Variants in MYT1L observed in about 807,000 individuals in gnomAD.
MYT1L encodes the protein myelin transcription factor 1-like protein.
Under a neutral mutation model 126.7 loss-of-function variants are expected in MYT1L, and 12 were observed. That is an observed-to-expected ratio of 0.09 (90% CI 0.06 to 0.15). The LOEUF is 0.15. MYT1L is among the 10% of genes least tolerant of loss of function. The pLI is 1.00. For synonymous variants in MYT1L, 541 were observed against 604.2 expected (o/e 0.90, Z 1.53); for missense variants, 979 against 1,585.2 (o/e 0.62, Z 6.49).
rs1440924012 is a variant in MYT1L at position 1,806,340 on chromosome 2, G to A, written c.3172+2736C>T. ...GCGTGCATTAGGATCTGCAGCAAGG[G>A]GAACTGTTTGTCCTAAAACTTAGCA... On this transcript the variant is annotated intron_variant, in intron 22 of 24. Transcript: ENST00000647738. The surrounding 1 kb of genome is among the most constrained non-coding windows in gnomAD (Gnocchi z 4.9). 6.6e-6 allele frequency among the ~76,000 whole-genome samples: 1 copy of A among 152,148 alleles called. No homozygotes were observed. Among genetic ancestry groups the A allele is most frequent in the Non-Finnish European group, 1.5e-5 (1 of 68,022 alleles).
intron 2 of MYT1L, among the ~76,000 whole-genome samples, chr2:2,266,076 G>A (rs1157396688): frequency 6.6e-6 from 1 of 152,200 alleles, no homozygotes; most frequent in African/African-American, 2.4e-5. Context: ...TGCTGATGCT[G>A]CAAGAGACAT....
chr2:1,954,298 G>A lies in MYT1L; in HGVS notation c.153-10964C>T, dbSNP rs546664775. ...CCACTGCTGCTGGCACTCACTGCCC[G>A]TTAGATGCTCCAGCCATGGCCACTG... On this transcript the variant is annotated intron_variant, in intron 8 of 24. Coordinates refer to ENST00000647738, the MANE Select transcript of MYT1L (RefSeq NM_001303052.2). 1.2e-4 allele frequency among the ~76,000 whole-genome samples: 19 copies of A among 152,286 alleles called. No homozygotes were observed. In the South Asian group the frequency reaches 2.7e-3, roughly 22 times the overall value.
chr2:2,005,899 C>A (rs993384208), intron 4 of MYT1L, among the ~76,000 whole-genome samples: 2 of 147,188 alleles, frequency 1.4e-5, no homozygotes, highest in African/African-American at 5.1e-5. Flanking sequence ...CTCATGCGTT[C>A]TTTCCTGCGT....
At chr2:2,157,946 G>A (rs2148387484) in intron 3 of MYT1L, among the ~76,000 whole-genome samples, 1 of 152,216 alleles carries the variant, frequency 6.6e-6, no homozygotes, top group Admixed American at 6.5e-5. Context: ...TCGCACCAGA[G>A]AGACCTCATA....
At position 1,938,603 on chromosome 2, in the gene MYT1L, C is replaced by T. The variant is rs186749513; in HGVS notation, c.505+4379G>A. ...TAAGCAGAAGGTGATCAGGAGAACA[C>T]GAGTTCCATTACAAGGAAAACCATG... On this transcript the variant is annotated intron_variant, in intron 9 of 24. Coordinates refer to ENST00000647738, the MANE Select transcript of MYT1L (RefSeq NM_001303052.2). Among the ~76,000 whole-genome samples, 3 of 152,264 alleles carry T rather than the reference C, an allele frequency of 2.0e-5. No individual in the cohort carries two copies. In the East Asian group the frequency reaches 5.8e-4, roughly 29 times the overall value.
intron 3 of MYT1L, among the ~76,000 whole-genome samples, chr2:2,123,745 G>A (rs2081336006): frequency 6.6e-6 from 1 of 152,158 alleles, no homozygotes; most frequent in Non-Finnish European, 1.5e-5. Flanking sequence ...CATTATCTCA[G>A]TGCAAGAACA....
chr2:2,007,092 C>T (rs1463380766), intron 4 of MYT1L, among the ~76,000 whole-genome samples: 1 of 150,778 alleles, frequency 6.6e-6, no homozygotes, highest in South Asian at 2.1e-4. Context: ...TCCATTTGTC[C>T]ATTAGGTTGC....
At chr2:2,114,537 C>G (rs2079939346) in intron 3 of MYT1L, among the ~76,000 whole-genome samples, 2 of 152,158 alleles carry the variant, frequency 1.3e-5, no homozygotes, top group African/African-American at 4.8e-5. Flanking sequence ...ATTTGCCACA[C>G]TTTGTAATTA....
At chr2:2,244,620 G>A (rs942096207) in intron 2 of MYT1L, among the ~76,000 whole-genome samples, 13 of 152,314 alleles carry the variant, frequency 8.5e-5, no homozygotes, top group African/African-American at 2.4e-4. Context: ...CTGAACTATC[G>A]GAAATGAGAG....
intron 3 of MYT1L, among the ~76,000 whole-genome samples, chr2:2,058,554 T>C (rs558871360): frequency 6.6e-6 from 1 of 152,362 alleles, no homozygotes; most frequent in African/African-American, 2.4e-5. Flanking sequence ...ATCTAACTTA[T>C]TTGTAAATCA....
intron 3 of MYT1L, among the ~76,000 whole-genome samples, chr2:2,055,080 A>G (rs1455088211): frequency 6.6e-6 from 1 of 152,250 alleles, no homozygotes; most frequent in African/African-American, 2.4e-5. Flanking sequence ...ACCTTTTAAG[A>G]AAATTAATGA....
chr2:2,069,314 C>T (rs986342703), intron 3 of MYT1L, among the ~76,000 whole-genome samples: 3 of 152,102 alleles, frequency 2.0e-5, no homozygotes, highest in Non-Finnish European at 4.4e-5. Flanking sequence ...TGAGTGAGAA[C>T]ATGCGGTGTT....
At chr2:1,960,296 G>A (rs932540659) in intron 8 of MYT1L, among the ~76,000 whole-genome samples, 4 of 152,210 alleles carry the variant, frequency 2.6e-5, no homozygotes, top group Non-Finnish European at 2.9e-5. Context: ...ACTAGACCTG[G>A]AAGAATCCTG....
chr2:2,159,201 T>C (rs1168791238), intron 3 of MYT1L, among the ~76,000 whole-genome samples: 1 of 152,122 alleles, frequency 6.6e-6, no homozygotes, highest in Non-Finnish European at 1.5e-5. Context: ...GACCTGCTTT[T>C]CAGCCTGTGC....
intron 8 of MYT1L, among the ~76,000 whole-genome samples, chr2:1,959,974 T>C (rs1461624869): frequency 6.6e-6 from 1 of 152,266 alleles, no homozygotes; most frequent in Non-Finnish European, 1.5e-5. Flanking sequence ...CAGTCATTTG[T>C]CCTACTATTT....
intron 2 of MYT1L, among the ~76,000 whole-genome samples, chr2:2,174,111 A>T (rs1447504919): frequency 6.6e-6 from 1 of 152,242 alleles, no homozygotes; most frequent in Admixed American, 6.5e-5. Context: ...AGGTTTTAAA[A>T]TTACCCTGAA....
chr2:1,907,791 G>A (rs2051289050), intron 13 of MYT1L, among the ~76,000 whole-genome samples: 1 of 152,238 alleles, frequency 6.6e-6, no homozygotes, highest in African/African-American at 2.4e-5. Context: ...CACTGAAAGA[G>A]CACCCCTACA....
intron 1 of MYT1L, among the ~76,000 whole-genome samples, chr2:2,303,129 T>G (rs532017602): frequency 1.3e-5 from 2 of 152,206 alleles, no homozygotes; most frequent in Non-Finnish European, 2.9e-5. Flanking sequence ...ACTCTTTATG[T>G]TTCACAAACA....
chr2:1,901,451 CAACAA>C (rs2050329137), intron 14 of MYT1L, among the ~76,000 whole-genome samples: 1 of 152,098 alleles, frequency 6.6e-6, no homozygotes, highest in Non-Finnish European at 1.5e-5. Context: ...ACAAAACAAA[CAACAA>C]AACAAACCAA....
Sources: allele counts gnomAD v4.1 joint callset (sites outside exome capture counted in the v4.1 genomes callset), GRCh38; gene constraint gnomAD v4.1.1; non-coding constraint Gnocchi (gnomAD v3.1); transcripts MANE v1.5; gene names NCBI Gene and HGNC (gene_info 2026-07-23, HGNC 2026-07-21).